Variants in SPECC1 observed in about 807,000 individuals in gnomAD.
SPECC1 encodes sperm antigen with calponin homology and coiled-coil domains 1, also known as cytospin-B.
A neutral mutation model predicts 104.1 loss-of-function variants in SPECC1; 62 were observed. The observed-to-expected ratio is 0.60, with a 90% CI of 0.49 to 0.74. SPECC1 has a LOEUF of 0.74. Among genes scored for constraint, SPECC1 ranks in the 30% least tolerant of loss-of-function variants. The pLI is 0.00. For synonymous variants in SPECC1, 513 were observed against 501.6 expected, an observed-to-expected ratio of 1.02 and a Z score of -0.30; for missense variants, 1,306 against 1,310.5, an observed-to-expected ratio of 1.00 and a Z score of 0.05.
At chr17:20,031,314 A>T (rs1004354436) in intron 1 of SPECC1, among the ~76,000 whole-genome samples, 4 of 151,204 alleles carry the variant, frequency 2.6e-5, no homozygotes, top group Admixed American at 6.6e-5. Context: ...TCATTTTTAA[A>T]TTTTTTTTAT....
chr17:20,032,465 CTTT>C (rs923340826), intron 1 of SPECC1, among the ~76,000 whole-genome samples: 1 of 151,740 alleles, frequency 6.6e-6, no homozygotes, highest in African/African-American at 2.4e-5. Flanking sequence ...ATTCTTTTTT[CTTT>C]TTATTTTTCA....
intron 2 of SPECC1, among the ~76,000 whole-genome samples, chr17:20,103,053 C>G (rs1376077647): frequency 2.6e-5 from 4 of 152,206 alleles, no homozygotes; most frequent in African/African-American, 9.7e-5. Context: ...CAGCTAAGCA[C>G]TGGCAGAGCC....
intron 4 of SPECC1, among the ~76,000 whole-genome samples, chr17:20,210,995 T>A (rs2037110776): frequency 6.6e-6 from 1 of 152,236 alleles, no homozygotes; most frequent in Non-Finnish European, 1.5e-5. Flanking sequence ...CAGCGAGGCA[T>A]TCAGCTCTGC....
At chr17:20,066,112 A>G (rs1368594914) in intron 1 of SPECC1, among the ~76,000 whole-genome samples, 4 of 152,222 alleles carry the variant, frequency 2.6e-5, no homozygotes, top group Non-Finnish European at 5.9e-5. Context: ...GTTGCTGGCT[A>G]GGTGAAACTC....
intron 12 of SPECC1, among the ~76,000 whole-genome samples, chr17:20,280,956 G>T (rs2040748677): frequency 6.6e-6 from 1 of 152,214 alleles, no homozygotes; most frequent in African/African-American, 2.4e-5. Flanking sequence ...CAGAAAAGTT[G>T]AGTCACTTTC....
intron 3 of SPECC1, among the ~76,000 whole-genome samples, chr17:20,171,750 G>T (rs1273996379): frequency 6.6e-6 from 1 of 152,066 alleles, no homozygotes; most frequent in East Asian, 1.9e-4. Context: ...GGGTCTTGCT[G>T]TATTGCTCAG....
At chr17:20,075,428 G>C (rs2046721647) in intron 1 of SPECC1, among the ~76,000 whole-genome samples, 1 of 152,174 alleles carries the variant, frequency 6.6e-6, no homozygotes, top group Non-Finnish European at 1.5e-5. Flanking sequence ...CAGAGCTCAT[G>C]CTCTGATACG....
At chr17:20,203,615 T>C (rs2151340585) in intron 3 of SPECC1, among the ~76,000 whole-genome samples, 1 of 152,366 alleles carries the variant, frequency 6.6e-6, no homozygotes, top group South Asian at 2.1e-4. Flanking sequence ...CTCAGTATTA[T>C]CTGTATCTTC....
intron 1 of SPECC1, among the ~76,000 whole-genome samples, chr17:20,039,831 A>T (rs911317264): frequency 1.3e-5 from 2 of 152,164 alleles, no homozygotes; most frequent in Admixed American, 6.5e-5. Flanking sequence ...TGCTGGGATT[A>T]CAAGTGTGAG....
intron 13 of SPECC1, among the ~76,000 whole-genome samples, chr17:20,303,939 C>T (rs1400283921): frequency 1.3e-5 from 2 of 151,182 alleles, no homozygotes; most frequent in African/African-American, 2.4e-5. Flanking sequence ...GGTGACACAG[C>T]GAGACTCCAT....
At chr17:20,213,339 C>T (rs757860430) in intron 4 of SPECC1, among the ~76,000 whole-genome samples, 23 of 152,200 alleles carry the variant, frequency 1.5e-4, no homozygotes, top group Non-Finnish European at 3.1e-4. Flanking sequence ...GATCCTCCCA[C>T]ACCTCAGTGC....
chr17:20,158,688 C>T (rs1242775028), intron 3 of SPECC1, among the ~76,000 whole-genome samples: 1 of 152,244 alleles, frequency 6.6e-6, no homozygotes, highest in Non-Finnish European at 1.5e-5. Context: ...TCTTGGGATC[C>T]TCGTGGTGCC....
At chr17:20,072,080 T>C (rs562928939) in intron 1 of SPECC1, among the ~76,000 whole-genome samples, 1 of 152,350 alleles carries the variant, frequency 6.6e-6, no homozygotes, top group African/African-American at 2.4e-5. Flanking sequence ...TCAGGCTCTT[T>C]TCTGGGAGAG....
At chr17:20,302,439 G>C (rs1200923074) in intron 13 of SPECC1, among the ~76,000 whole-genome samples, 1 of 152,122 alleles carries the variant, frequency 6.6e-6, no homozygotes, top group East Asian at 1.9e-4. Flanking sequence ...TGTGGCTTCT[G>C]CCTCCCAGGT....
intron 3 of SPECC1, among the ~76,000 whole-genome samples, chr17:20,166,505 A>G (rs1597863663): frequency 6.6e-6 from 1 of 152,250 alleles, no homozygotes; most frequent in East Asian, 1.9e-4. Flanking sequence ...AACTACAATT[A>G]TAGATCATTT....
intron 7 of SPECC1, among the ~76,000 whole-genome samples, chr17:20,234,131 A>G (rs1048516499): frequency 2.0e-5 from 3 of 152,176 alleles, no homozygotes; most frequent in African/African-American, 4.8e-5. Flanking sequence ...AGGACTCCCT[A>G]TGCTGCATCC....
rs149932431 is a variant in SPECC1, at chr17:20,171,966, G to A, written c.284-32367G>A. Among the ~76,000 whole-genome samples the A allele has an allele frequency of 2.4e-3, 372 of 152,326 alleles. 1 individual carries two copies. Among genetic ancestry groups the A allele is most frequent in the Non-Finnish European group, 3.9e-3 (264 of 68,036 alleles). On this transcript the variant is annotated intron_variant, in intron 3 of 14. Transcript: ENST00000395527. ...ACCTGCCAGAACTGTATACAGACCA[G>A]AAGTGCTTCTCCTAGTAGTATGCAG...
intron 4 of SPECC1, among the ~76,000 whole-genome samples, chr17:20,216,006 C>T (rs2037465410): frequency 1.3e-5 from 2 of 152,202 alleles, no homozygotes; most frequent in Admixed American, 6.5e-5. Flanking sequence ...AGTAACTTCA[C>T]AGCTTCTCAC....
At chr17:20,297,228 C>T (rs374079956) in intron 13 of SPECC1, 151 bp downstream of exon 13, 14 of 601,596 alleles carry the variant, frequency 2.3e-5, no homozygotes, top group Admixed American at 1.6e-4. Context: ...TTGACTGCAC[C>T]GTGGAATCCC....
Sources: gnomAD v4.1 joint callset for allele counts (sites outside exome capture counted in the v4.1 genomes callset) on GRCh38, gnomAD v4.1.1 for gene constraint, MANE v1.5 for transcripts, NCBI Gene and HGNC (gene_info 2026-07-23, HGNC 2026-07-21) for gene names.